The following CCSER1 variants were observed in gnomAD, a reference collection of about 807,000 sequenced individuals.
CCSER1 encodes the protein serine-rich coiled-coil domain-containing protein 1.
In CCSER1, 41 loss-of-function variants were observed where a neutral mutation model predicts 82.0. That is an observed-to-expected ratio of 0.50 (90% CI 0.39 to 0.65). CCSER1 has a LOEUF of 0.65. CCSER1 is among the 30% of genes least tolerant of loss of function. CCSER1 has a pLI of 0.00. For synonymous variants in CCSER1, 414 were observed against 383.9 expected (o/e 1.08, Z -0.92); for missense variants, 1,119 against 1,064.2 (o/e 1.05, Z -0.72).
chr4:90,374,726 T>C (rs1053996050), intron 3 of CCSER1, among the ~76,000 whole-genome samples: 1 of 152,168 alleles, frequency 6.6e-6, no homozygotes, highest in Non-Finnish European at 1.5e-5. Context: ...CTGCTGATGG[T>C]ATTTTTTCAG....
At chr4:90,957,892 C>T (rs1733687425) in intron 9 of CCSER1, among the ~76,000 whole-genome samples, 3 of 151,412 alleles carry the variant, frequency 2.0e-5, no homozygotes, top group Non-Finnish European at 4.4e-5. Context: ...TGTCTTGGCT[C>T]TTAAAAATAA....
At chr4:90,510,927 T>G (rs1160900729) in intron 5 of CCSER1, among the ~76,000 whole-genome samples, 1 of 151,830 alleles carries the variant, frequency 6.6e-6, no homozygotes, top group Non-Finnish European at 1.5e-5. Context: ...GGGGAAGGAG[T>G]CTGTGAGCCA....
rs377289867 is a variant in CCSER1, at chr4:90,514,217, C to T, written c.1724+45863C>T. Among the ~76,000 whole-genome samples, 1,148 of 152,174 alleles carry T rather than the reference C, an allele frequency of 7.5e-3. 5 individuals carry two copies. Among genetic ancestry groups the T allele is most frequent in the African/African-American group, 0.019 (778 of 41,498 alleles). ...CTCTTGAATTTGACGAGATTAAGCTCTGGATGAATGATTACTAAAATGACC... is the reference window on the plus strand; with the variant it reads ...CTCTTGAATTTGACGAGATTAAGCTTTGGATGAATGATTACTAAAATGACC... On this transcript the variant is annotated intron_variant, in intron 5 of 10. Transcript: ENST00000509176.
chr4:90,516,298 G>T (rs959919635), intron 5 of CCSER1, among the ~76,000 whole-genome samples: 1 of 152,144 alleles, frequency 6.6e-6, no homozygotes, highest in African/African-American at 2.4e-5. Flanking sequence ...AATCCAAACA[G>T]GAAACAGATG....
chr4:91,261,271 A>C (rs545483740), intron 10 of CCSER1, among the ~76,000 whole-genome samples: 1 of 152,180 alleles, frequency 6.6e-6, no homozygotes, highest in African/African-American at 2.4e-5. Flanking sequence ...CCCAGTGGTG[A>C]CTCAGTCTCT....
intron 3 of CCSER1, among the ~76,000 whole-genome samples, chr4:90,332,713 A>G (rs1739548886): frequency 6.6e-6 from 1 of 152,118 alleles, no homozygotes; most frequent in Admixed American, 6.6e-5. Context: ...ATTTTTGTGA[A>G]TCATGTGAGT....
intron 10 of CCSER1, among the ~76,000 whole-genome samples, chr4:91,209,498 A>G (rs981309228): frequency 2.0e-5 from 3 of 151,918 alleles, no homozygotes; most frequent in African/African-American, 7.2e-5. Context: ...AATTCTGTTT[A>G]TGCGATGAAT....
chr4:90,663,235 C>A (rs1222175415), intron 6 of CCSER1, among the ~76,000 whole-genome samples: 2 of 152,100 alleles, frequency 1.3e-5, no homozygotes, highest in Non-Finnish European at 2.9e-5. Flanking sequence ...ACCTTGTAAA[C>A]ATTTATTTCT....
At chr4:90,648,274 GAGAA>G (rs1347733155) in intron 6 of CCSER1, among the ~76,000 whole-genome samples, 1 of 100,714 alleles carries the variant, frequency 9.9e-6, no homozygotes, top group African/African-American at 3.7e-5. Flanking sequence ...GAAAGAGAGA[GAGAA>G]AGAAAGGAAA....
chr4:90,827,753 T>G (rs1439027050), intron 8 of CCSER1, among the ~76,000 whole-genome samples: 2 of 152,032 alleles, frequency 1.3e-5, no homozygotes, highest in Non-Finnish European at 2.9e-5. Flanking sequence ...TCTTTTGCCC[T>G]CTGAGAGTTT....
At chr4:90,262,366 T>G (rs1334223985) in intron 1 of CCSER1, among the ~76,000 whole-genome samples, 1 of 152,206 alleles carries the variant, frequency 6.6e-6, no homozygotes, top group African/African-American at 2.4e-5. Flanking sequence ...TACAGAGTCT[T>G]TGTGTGCTGG....
In CCSER1 at chr4:91,147,240, CA is replaced by C. The variant is rs1729629958; in HGVS notation, c.2217+61247del. 2.6e-5 allele frequency among the ~76,000 whole-genome samples: 4 copies of C among 152,296 alleles called. No homozygotes were observed. The South Asian group carries it at 8.3e-4, about 32-fold the overall frequency. On this transcript the variant is annotated intron_variant, in intron 10 of 10. Coordinates refer to ENST00000509176, the MANE Select transcript of CCSER1 (RefSeq NM_001145065.2). ...GGGTGTGCAACTGGTGTGGCACTAA[CA>C]GCCTGGTATTTTTAGCCCAGTTGAC...
At chr4:91,265,469 C>A (rs867529467) in intron 10 of CCSER1, among the ~76,000 whole-genome samples, 28 of 152,018 alleles carry the variant, frequency 1.8e-4, no homozygotes, top group Middle Eastern at 6.9e-3. Context: ...AAAAAATAAG[C>A]TCTGAACAAA....
At chr4:90,485,917 G>C (rs934932760) in intron 5 of CCSER1, among the ~76,000 whole-genome samples, 4 of 151,958 alleles carry the variant, frequency 2.6e-5, no homozygotes, top group African/African-American at 4.8e-5. Context: ...TAATGGCTAC[G>C]TATATACTGG....
In CCSER1 at chr4:90,628,314, A is replaced by G. The variant is rs1723708186; in HGVS notation, c.1932+82A>G. The stretch of plus-strand genomic sequence containing the variant: ...AGACGTGGTTAGACCCTGCTCTGTC[A>G]GTAATTAACTACATGACATTGGGCA... On this transcript the variant is annotated intron_variant, in intron 6 of 10. Coordinates refer to ENST00000509176, the MANE Select transcript of CCSER1 (RefSeq NM_001145065.2). 3.8e-6 allele frequency: 4 copies of G among 1,051,072 alleles called. No individual in the cohort carries two copies. The East Asian group carries it at 9.7e-5, about 26-fold the overall frequency. The allele number at this position is 1,051,072 out of a possible 1,614,324, so 65.1% of individuals were successfully genotyped here.
chr4:90,157,519 C>T (rs1448815131), intron 1 of CCSER1, among the ~76,000 whole-genome samples: 2 of 152,158 alleles, frequency 1.3e-5, no homozygotes, highest in Admixed American at 6.5e-5. Flanking sequence ...ACCAATCAGA[C>T]GTAGATTTGG....
chr4:90,580,281 AT>A (rs1781283914), intron 5 of CCSER1, among the ~76,000 whole-genome samples: 1 of 152,240 alleles, frequency 6.6e-6, no homozygotes, highest in Non-Finnish European at 1.5e-5. Flanking sequence ...CTCCTTACTA[AT>A]TATGTGACTT....
At chr4:91,032,115 G>T (rs556275627) in intron 9 of CCSER1, among the ~76,000 whole-genome samples, 18 of 151,938 alleles carry the variant, frequency 1.2e-4, no homozygotes, top group Non-Finnish European at 2.5e-4. Context: ...ACAAAAATGT[G>T]CTTTTTTGCA....
chr4:90,407,704 T>C (rs1424133517), intron 4 of CCSER1, among the ~76,000 whole-genome samples: 2 of 151,988 alleles, frequency 1.3e-5, no homozygotes, highest in Non-Finnish European at 1.5e-5. Context: ...GCTCCCAGCG[T>C]GAGCGACGCA....
Sources: allele counts gnomAD v4.1 joint callset (sites outside exome capture counted in the v4.1 genomes callset), GRCh38; gene constraint gnomAD v4.1.1; transcripts MANE v1.5; gene names NCBI Gene and HGNC (gene_info 2026-07-23, HGNC 2026-07-21).